The following CCDC3 variants were observed in gnomAD, a reference collection of about 807,000 sequenced individuals.
CCDC3 encodes the protein coiled-coil domain containing 3.
In CCDC3, 24 loss-of-function variants were observed where a neutral mutation model predicts 21.4. The observed-to-expected ratio is 1.12, with a 90% CI of 0.81 to 1.58. The LOEUF (loss-of-function observed/expected upper bound fraction) is 1.58, where lower values mean the gene tolerates loss of function less well. CCDC3 is among the 40% of genes most tolerant of loss of function. CCDC3 has a pLI of 0.00. For missense variants in CCDC3, 425 were observed against 360.9 expected (o/e 1.18, Z -1.44); for synonymous variants, 186 against 166.0 (o/e 1.12, Z -0.93).
At chr10:12,919,106 A>G (rs1481195110) in intron 2 of CCDC3, among the ~76,000 whole-genome samples, 2 of 152,150 alleles carry the variant, frequency 1.3e-5, no homozygotes, top group African/African-American at 4.8e-5. Context: ...CCATTCCTAT[A>G]GTATGTTACC....
chr10:12,980,628 G>A (rs1277594027), intron 2 of CCDC3, among the ~76,000 whole-genome samples: 1 of 152,142 alleles, frequency 6.6e-6, no homozygotes, highest in Non-Finnish European at 1.5e-5. Flanking sequence ...TCCTCCCGGA[G>A]AGCTCAGATA....
intron 2 of CCDC3, among the ~76,000 whole-genome samples, chr10:12,916,961 G>C (rs1834366790): frequency 6.6e-6 from 1 of 152,144 alleles, no homozygotes; most frequent in South Asian, 2.1e-4. Flanking sequence ...TCGGGTGCCA[G>C]AGCAGGCCTT....
rs184286547 is a variant in CCDC3 at position 13,062,978 on chromosome 10, T to G, written c.-270+10890A>C. Among the ~76,000 whole-genome samples, 314 of 151,360 alleles carry G rather than the reference T, an allele frequency of 2.1e-3. 2 individuals are homozygous for G. Among genetic ancestry groups the G allele is most frequent in the African/African-American group, 7.1e-3 (292 of 41,098 alleles). Reference sequence around the variant, plus strand: ...AGCTGACTCACGGCCATTTCATCTCTGACCAATCAGCACCCTTGGCTCACT... The same window carrying G: ...AGCTGACTCACGGCCATTTCATCTCGGACCAATCAGCACCCTTGGCTCACT... On this transcript the variant is annotated intron_variant, in intron 4 of 6. Transcript: ENST00000378839.
intron 2 of CCDC3, among the ~76,000 whole-genome samples, chr10:12,995,384 G>A (rs1835746250): frequency 6.6e-6 from 1 of 152,102 alleles, no homozygotes; most frequent in Admixed American, 6.5e-5. Flanking sequence ...TGGGATTACA[G>A]GCGCGTACCA....
chr10:12,938,525 C>T (rs760389141), intron 2 of CCDC3, among the ~76,000 whole-genome samples: 5 of 152,312 alleles, frequency 3.3e-5, no homozygotes, highest in Non-Finnish European at 5.9e-5. Flanking sequence ...TGCCTGGGTA[C>T]GAATCCCAGC....
chr10:13,016,368 C>T (rs903361780), intron 5 of CCDC3, among the ~76,000 whole-genome samples: 1 of 146,002 alleles, frequency 6.8e-6, no homozygotes, highest in African/African-American at 2.5e-5. Context: ...CTTTCTTTTA[C>T]ATTTGAATAC....
chr10:12,968,803 C>G (rs1835298619), intron 2 of CCDC3, among the ~76,000 whole-genome samples: 2 of 152,018 alleles, frequency 1.3e-5, no homozygotes, highest in Admixed American at 1.3e-4. Flanking sequence ...TAGCCCATTA[C>G]AGTATCTTTT....
At chr10:13,013,383 C>A (rs1296027592) in intron 5 of CCDC3, among the ~76,000 whole-genome samples, 1 of 152,220 alleles carries the variant, frequency 6.6e-6, no homozygotes, top group Non-Finnish European at 1.5e-5. Flanking sequence ...CAGACACACA[C>A]AAACCCTTAA....
intron 2 of CCDC3, among the ~76,000 whole-genome samples, chr10:12,960,730 G>A (rs1433757807): frequency 1.3e-5 from 2 of 152,214 alleles, no homozygotes; most frequent in African/African-American, 4.8e-5. Context: ...AGAGCCAAAG[G>A]TTGGGACAAG....
At chr10:12,953,403 C>T (rs2131250256) in intron 2 of CCDC3, among the ~76,000 whole-genome samples, 1 of 152,306 alleles carries the variant, frequency 6.6e-6, no homozygotes, top group South Asian at 2.1e-4. Flanking sequence ...GCTCCACTAG[C>T]TCATGTCTTT....
At chr10:12,988,342 A>G (rs11815586) in intron 2 of CCDC3, among the ~76,000 whole-genome samples, 7,073 of 151,688 alleles carry the variant, frequency 0.047, 567 homozygotes, top group African/African-American at 0.16. Flanking sequence ...GTGGCTTCCA[A>G]TTCCTATTAC....
intron 2 of CCDC3, among the ~76,000 whole-genome samples, chr10:12,962,892 C>A (rs2131258330): frequency 6.6e-6 from 1 of 152,242 alleles, no homozygotes; most frequent in South Asian, 2.1e-4. Context: ...TCTTTTCCTT[C>A]TTTTTGGCTA....
At chr10:12,996,517 G>A (rs1835764096) in intron 2 of CCDC3, among the ~76,000 whole-genome samples, 1 of 152,176 alleles carries the variant, frequency 6.6e-6, no homozygotes, top group African/African-American at 2.4e-5. Context: ...TGTATTTTTA[G>A]TAGAGACAGG....
At chr10:13,004,517 C>T (rs979189463), upstream of CCDC3, among the ~76,000 whole-genome samples, 2 of 151,040 alleles carry the variant, frequency 1.3e-5, no homozygotes, top group Admixed American at 1.3e-4. Context: ...GAAGGCATAT[C>T]CGTGTCCAGA....
At chr10:13,089,848 G>A (rs979242205) in intron 3 of CCDC3, among the ~76,000 whole-genome samples, 4 of 117,350 alleles carry the variant, frequency 3.4e-5, no homozygotes, top group South Asian at 2.7e-4. Flanking sequence ...CCCTTTCTCC[G>A]TGAGTTCCCA....
chr10:12,906,699 C>G (rs900576746), intron 2 of CCDC3, among the ~76,000 whole-genome samples: 10 of 152,136 alleles, frequency 6.6e-5, no homozygotes, highest in African/African-American at 1.7e-4. Context: ...GCTCAGTCTC[C>G]TCATGTATAC....
chr10:13,058,204 T>C (rs516348), intron 4 of CCDC3: 852,869 of 1,233,262 alleles, frequency 0.69, 297,780 homozygotes, highest in Admixed American at 0.83. Context: ...TGCCAAAAAC[T>C]TGATTGCCAG....
intron 2 of CCDC3, among the ~76,000 whole-genome samples, chr10:12,996,187 A>G (rs1412387448): frequency 6.6e-6 from 1 of 152,122 alleles, no homozygotes; most frequent in Non-Finnish European, 1.5e-5. Context: ...AATGATTAAG[A>G]AGGAGAAAAG....
At chr10:13,049,451 G>A (rs1208564794) in intron 5 of CCDC3, among the ~76,000 whole-genome samples, 1 of 152,068 alleles carries the variant, frequency 6.6e-6, no homozygotes, top group African/African-American at 2.4e-5. Flanking sequence ...TTGCTCTTTG[G>A]AACCCTCAGT....
Sources: gnomAD v4.1 joint callset for allele counts (sites outside exome capture counted in the v4.1 genomes callset) on GRCh38, gnomAD v4.1.1 for gene constraint, MANE v1.5 for transcripts, NCBI Gene and HGNC (gene_info 2026-07-23, HGNC 2026-07-21) for gene names.